Variants in SPART observed in about 807,000 individuals in gnomAD.
SPART encodes spartin.
In SPART, 35 loss-of-function variants were observed where a neutral mutation model predicts 58.7. The ratio of observed to expected loss-of-function variants is 0.60; its 90% CI spans 0.46 to 0.79. SPART has a LOEUF of 0.79. Ranked by LOEUF, SPART falls within the 30% of genes least tolerant of loss-of-function variation. The pLI is 0.00. For missense variants in SPART, 730 were observed against 786.1 expected (o/e 0.93, Z 0.85); for synonymous variants, 284 against 280.7 (o/e 1.01, Z -0.12).
chr13:36,310,535 G>A, intron 8 of SPART, among the ~76,000 whole-genome samples: 1 of 152,124 alleles, frequency 6.6e-6, no homozygotes, highest in East Asian at 1.9e-4. Context: ...TAAGTTGCTT[G>A]AAACCTAGTT....
At chr13:36,316,890 G>A (rs1881775485) in intron 5 of SPART, among the ~76,000 whole-genome samples, 1 of 152,130 alleles carries the variant, frequency 6.6e-6, no homozygotes, top group African/African-American at 2.4e-5. Context: ...ACCAGCCCAA[G>A]AAACATCTCA....
At chr13:36,329,578 A>T in intron 3 of SPART, 61 bp from the exon 4 acceptor site, 1 of 1,532,596 alleles carries the variant, frequency 6.5e-7, no homozygotes, top group South Asian at 1.1e-5. Context: ...GCTTTCTGCC[A>T]GCTATATTAC....
intron 1 of SPART, 43 bp downstream of exon 1, chr13:36,346,182 C>G (rs1208784784): frequency 6.6e-6 from 1 of 151,748 alleles, no homozygotes; most frequent in Non-Finnish European, 1.5e-5. Flanking sequence ...CCCACCCCGC[C>G]CACCCAAGGG....
At chr13:36,324,614 G>A (rs1334428489) in intron 5 of SPART, among the ~76,000 whole-genome samples, 1 of 152,132 alleles carries the variant, frequency 6.6e-6, no homozygotes, top group Non-Finnish European at 1.5e-5. Flanking sequence ...TTGTTGTTTT[G>A]TGCCTTTGGG....
chr13:36,307,557 G>T (rs1048380967), intron 8 of SPART, among the ~76,000 whole-genome samples: 2 of 151,692 alleles, frequency 1.3e-5, no homozygotes, highest in African/African-American at 2.4e-5. Context: ...AATATTGCTG[G>T]GGAAAATAAA....
chr13:36,369,140 T>C (rs770947979), intron 1 of SPART, among the ~76,000 whole-genome samples: 24 of 152,238 alleles, frequency 1.6e-4, no homozygotes, highest in African/African-American at 5.3e-4. Context: ...CATCATCTTA[T>C]GTATTTCACT....
At chr13:36,311,771 C>CA (rs1881133836) in intron 8 of SPART, among the ~76,000 whole-genome samples, 4 of 152,250 alleles carry the variant, frequency 2.6e-5, no homozygotes, top group Admixed American at 2.6e-4. Context: ...TCTTGACCGT[C>CA]ATGGGTTTTT....
rs1291642931 is a variant in SPART, at chr13:36,343,902, G to A, written c.-3+2323C>T. On this transcript the variant is annotated intron_variant, in intron 1 of 8. Transcript: ENST00000438666. ...TGTCAAGAAAATTAAATGAGCTCTCGCCTGTAATCCCAGCTACTGCACAGG... is the reference window on the plus strand; with the variant it reads ...TGTCAAGAAAATTAAATGAGCTCTCACCTGTAATCCCAGCTACTGCACAGG... 7.2e-5 allele frequency among the ~76,000 whole-genome samples: 11 copies of A among 152,110 alleles called. No individual in the cohort carries two copies. In the East Asian group the frequency reaches 2.1e-3, roughly 29 times the overall value.
At chr13:36,362,221 C>T (rs1296864309) in intron 1 of SPART, among the ~76,000 whole-genome samples, 1 of 152,090 alleles carries the variant, frequency 6.6e-6, no homozygotes, top group East Asian at 1.9e-4. Context: ...CATGGTGGCG[C>T]ACGCCTGTAA....
intron 5 of SPART, among the ~76,000 whole-genome samples, chr13:36,324,280 T>C (rs1447728172): frequency 6.6e-6 from 1 of 152,230 alleles, no homozygotes; most frequent in Non-Finnish European, 1.5e-5. Context: ...ATGCAGCTTC[T>C]GTCTGTTTGC....
At chr13:36,365,471 C>T in intron 1 of SPART, 3 of 345,862 alleles carry the variant, frequency 8.7e-6, no homozygotes, top group Non-Finnish European at 1.2e-5. Context: ...AAATGTTTTT[C>T]ATTTTGTTTG....
At chr13:36,347,695 A>G (rs1885234339), upstream of SPART, among the ~76,000 whole-genome samples, 1 of 152,232 alleles carries the variant, frequency 6.6e-6, no homozygotes, top group African/African-American at 2.4e-5. Flanking sequence ...CCCAAAGACT[A>G]TGACTGTATT....
At chr13:36,306,610 A>G (rs929233213) in intron 8 of SPART, among the ~76,000 whole-genome samples, 11 of 152,202 alleles carry the variant, frequency 7.2e-5, no homozygotes, top group African/African-American at 2.7e-4. Flanking sequence ...AGCTGCACTC[A>G]TATTTCTGTA....
At chr13:36,348,817 GACTTT>G (rs1465054505), upstream of SPART, among the ~76,000 whole-genome samples, 3 of 152,128 alleles carry the variant, frequency 2.0e-5, no homozygotes, top group Non-Finnish European at 4.4e-5. Context: ...GATCCCAAAT[GACTTT>G]TTTGCAGAAT....
At chr13:36,316,263 A>G (rs1263415358) in intron 5 of SPART, among the ~76,000 whole-genome samples, 1 of 152,214 alleles carries the variant, frequency 6.6e-6, no homozygotes, top group African/African-American at 2.4e-5. Flanking sequence ...GCTACCATTT[A>G]CAGTTGTTAT....
intron 2 of SPART, among the ~76,000 whole-genome samples, chr13:36,331,799 A>G (rs952964374): frequency 7.2e-5 from 11 of 152,232 alleles, no homozygotes; most frequent in Non-Finnish European, 1.5e-4. Flanking sequence ...TGCAATAAGG[A>G]CTGTGCTAAA....
At chr13:36,359,264 C>G (rs1380362275) in intron 1 of SPART, among the ~76,000 whole-genome samples, 1 of 152,162 alleles carries the variant, frequency 6.6e-6, no homozygotes, top group African/African-American at 2.4e-5. Context: ...TTACATAACA[C>G]GGTCAAGGTC....
intron 1 of SPART, among the ~76,000 whole-genome samples, chr13:36,361,812 G>C (rs1469165931): frequency 6.6e-6 from 1 of 152,174 alleles, no homozygotes; most frequent in Admixed American, 6.5e-5. Context: ...CATTCTTATA[G>C]TAAGAAAGCT....
rs2137388384 is a variant in SPART at position 36,319,083 on chromosome 13, G to A, written c.1289-4662C>T. Among the ~76,000 whole-genome samples, 3 of 151,924 alleles carry A rather than the reference G, an allele frequency of 2.0e-5. No homozygotes were observed. In the Middle Eastern group the frequency reaches 0.01, roughly 517 times the overall value. On this transcript the variant is annotated intron_variant, in intron 5 of 8. Coordinates refer to ENST00000438666, the MANE Select transcript of SPART (RefSeq NM_015087.5). ...GCCTGTTTCCCTTGCCTCCATAACT[G>A]TTGTGGGTATTGACGGCCAGGCTTC...
Sources: gnomAD v4.1 joint callset for allele counts (sites outside exome capture counted in the v4.1 genomes callset) on GRCh38, gnomAD v4.1.1 for gene constraint, MANE v1.5 for transcripts, NCBI Gene and HGNC (gene_info 2026-07-23, HGNC 2026-07-21) for gene names.